CLVS1: variants seen among roughly 807,000 people sequenced by gnomAD.
The protein encoded by CLVS1 is clavesin-1.
CLVS1 carries 10 observed loss-of-function variants against 33.1 expected under a neutral mutation model. That is an observed-to-expected ratio of 0.30 (90% CI 0.19 to 0.51). The LOEUF is 0.51. Ranked by LOEUF, CLVS1 falls within the 20% of genes least tolerant of loss-of-function variation. The pLI is 0.97. For missense variants in CLVS1, 343 were observed against 433.4 expected (o/e 0.79, Z 1.85); for synonymous variants, 163 against 166.1 (o/e 0.98, Z 0.14).
At chr8:61,243,571 C>T (rs919198490) in intron 2 of CLVS1, among the ~76,000 whole-genome samples, 2 of 152,164 alleles carry the variant, frequency 1.3e-5, no homozygotes, top group Non-Finnish European at 2.9e-5. Flanking sequence ...TGAGTAACTT[C>T]TGGTTAGTTT....
intron 2 of CLVS1, among the ~76,000 whole-genome samples, chr8:61,138,702 T>C (rs151161861): frequency 1.3e-5 from 2 of 151,962 alleles, no homozygotes; most frequent in Non-Finnish European, 2.9e-5. Context: ...AGTGGTATCA[T>C]GGACCGAGCC....
At chr8:61,145,872 G>C (rs1233266403) in intron 2 of CLVS1, among the ~76,000 whole-genome samples, 1 of 152,158 alleles carries the variant, frequency 6.6e-6, no homozygotes, top group African/African-American at 2.4e-5. Context: ...ATTCTGTCAC[G>C]TAAGTGTTAC....
At chr8:61,090,085 G>A (rs920899574) in intron 1 of CLVS1, among the ~76,000 whole-genome samples, 4 of 152,184 alleles carry the variant, frequency 2.6e-5, no homozygotes, top group Non-Finnish European at 5.9e-5. Context: ...GTAGTCTTCA[G>A]CATCCTCTGG....
intron 2 of CLVS1, among the ~76,000 whole-genome samples, chr8:61,136,444 C>G (rs1025111069): frequency 6.6e-6 from 1 of 152,248 alleles, no homozygotes; most frequent in East Asian, 1.9e-4. Context: ...AAATGCCCAT[C>G]AATGATAGAC....
chr8:61,303,486 C>G (rs1563486490), intron 2 of CLVS1, among the ~76,000 whole-genome samples: 1 of 152,178 alleles, frequency 6.6e-6, no homozygotes, highest in African/African-American at 2.4e-5. Context: ...TAAAAATTCA[C>G]TTTATGGTCT....
intron 2 of CLVS1, among the ~76,000 whole-genome samples, chr8:61,237,032 A>T (rs1808578542): frequency 6.6e-6 from 1 of 152,220 alleles, no homozygotes; most frequent in Non-Finnish European, 1.5e-5. Flanking sequence ...TCTTCAAGAT[A>T]AATCGATTGA....
At chr8:61,493,805 C>T (rs571034057) in intron 5 of CLVS1, among the ~76,000 whole-genome samples, 180 of 152,248 alleles carry the variant, frequency 1.2e-3, no homozygotes, top group Middle Eastern at 6.8e-3. Context: ...TGGAATAGTT[C>T]CTTATGGAAT....
chr8:61,097,498 C>T (rs560243248), intron 1 of CLVS1, among the ~76,000 whole-genome samples: 3 of 152,178 alleles, frequency 2.0e-5, no homozygotes, highest in South Asian at 2.1e-4. Context: ...GTTTCTAGGA[C>T]GTGTTGCTTC....
At chr8:61,476,871 G>C (rs1270787010) in intron 5 of CLVS1, among the ~76,000 whole-genome samples, 1 of 152,178 alleles carries the variant, frequency 6.6e-6, no homozygotes, top group Non-Finnish European at 1.5e-5. Context: ...TCCCTGTCTT[G>C]TGCCAGTTTT....
At chr8:61,194,475 G>T (rs1807561643) in intron 2 of CLVS1, among the ~76,000 whole-genome samples, 2 of 151,964 alleles carry the variant, frequency 1.3e-5, no homozygotes, top group Admixed American at 6.6e-5. Flanking sequence ...TGCATTACTA[G>T]AAATGAATTG....
chr8:61,269,624 C>T (rs1220051233), intron 2 of CLVS1, among the ~76,000 whole-genome samples: 18 of 150,874 alleles, frequency 1.2e-4, no homozygotes, highest in South Asian at 4.3e-4. Context: ...GCCATTTTCA[C>T]GATATTGATT....
chr8:61,478,728 G>A (rs1470700507), intron 5 of CLVS1, among the ~76,000 whole-genome samples: 1 of 152,034 alleles, frequency 6.6e-6, no homozygotes, highest in Non-Finnish European at 1.5e-5. Flanking sequence ...TGTGAGATGG[G>A]TCTCCTAAAT....
chr8:61,240,675 T>C (rs1334401465), intron 2 of CLVS1, among the ~76,000 whole-genome samples: 1 of 152,162 alleles, frequency 6.6e-6, no homozygotes, highest in Non-Finnish European at 1.5e-5. Flanking sequence ...GTGTTGTTGG[T>C]TTGTTTTTGA....
At chr8:61,474,485 A>G (rs1327843815) in intron 5 of CLVS1, among the ~76,000 whole-genome samples, 1 of 151,918 alleles carries the variant, frequency 6.6e-6, no homozygotes, top group African/African-American at 2.4e-5. Flanking sequence ...TTGTTTTTCT[A>G]TTTTCTTCTA....
intron 2 of CLVS1, among the ~76,000 whole-genome samples, chr8:61,374,406 C>G (rs748896313): frequency 6.6e-6 from 1 of 152,168 alleles, no homozygotes; most frequent in Non-Finnish European, 1.5e-5. Context: ...AAGCTTATCT[C>G]GGCTCAGACT....
At chr8:61,113,432 C>T (rs1805664875) in intron 1 of CLVS1, among the ~76,000 whole-genome samples, 1 of 152,096 alleles carries the variant, frequency 6.6e-6, no homozygotes, top group Non-Finnish European at 1.5e-5. Context: ...TAGTTACCAA[C>T]CTAGTTACTT....
chr8:61,295,168 T>C (rs1327683208), intron 1 of CLVS1, among the ~76,000 whole-genome samples: 1 of 152,194 alleles, frequency 6.6e-6, no homozygotes, highest in Non-Finnish European at 1.5e-5. Flanking sequence ...TTTGAAATGG[T>C]GTCAAATACA....
chr8:60,973,254 T>C, the CLVS1 span, among the ~76,000 whole-genome samples: 1 of 152,264 alleles, frequency 6.6e-6, no homozygotes, highest in Non-Finnish European at 1.5e-5. Context: ...TGATTTTCAT[T>C]GGGTAGGAAT....
At chr8:61,322,263 C>T (rs899508868) in intron 2 of CLVS1, among the ~76,000 whole-genome samples, 1 of 152,144 alleles carries the variant, frequency 6.6e-6, no homozygotes, top group Non-Finnish European at 1.5e-5. Flanking sequence ...CTCTAATATT[C>T]ATTACAGGCA....
Sources: allele counts gnomAD v4.1 joint callset (sites outside exome capture counted in the v4.1 genomes callset), GRCh38; gene constraint gnomAD v4.1.1; transcripts MANE v1.5; gene names NCBI Gene and HGNC (gene_info 2026-07-23, HGNC 2026-07-21).